The following NUP98 variants were observed in gnomAD, a reference collection of about 807,000 sequenced individuals.
The protein encoded by NUP98 is nucleoporin 98 and 96 precursor.
In NUP98, 26 loss-of-function variants were observed where a neutral mutation model predicts 191.9. The observed-to-expected ratio is 0.14, with a 90% CI of 0.10 to 0.19. NUP98 has a LOEUF of 0.19. NUP98 is among the 10% of genes least tolerant of loss of function. NUP98 has a pLI of 1.00. For missense variants in NUP98, 1,941 were observed against 2,178.8 expected, an observed-to-expected ratio of 0.89 and a Z score of 2.17; for synonymous variants, 808 against 778.4, an observed-to-expected ratio of 1.04 and a Z score of -0.63.
chr11:3,769,412 C>G (rs2081444727), intron 7 of NUP98, among the ~76,000 whole-genome samples: 1 of 151,588 alleles, frequency 6.6e-6, no homozygotes, highest in Non-Finnish European at 1.5e-5. Context: ...GGTGACAGAG[C>G]TAGACAGTGT....
chr11:3,686,520 ACTTTT>A (rs1432969786), intron 28 of NUP98, among the ~76,000 whole-genome samples: 1 of 152,058 alleles, frequency 6.6e-6, no homozygotes, highest in Admixed American at 6.6e-5. Context: ...TAATGTCATT[ACTTTT>A]TTCTTTTTTT....
At chr11:3,787,727 C>T (rs576575948) in intron 1 of NUP98, among the ~76,000 whole-genome samples, 2 of 152,254 alleles carry the variant, frequency 1.3e-5, no homozygotes, top group Non-Finnish European at 2.9e-5. Flanking sequence ...GGCACGGTGG[C>T]TCATGTCTGT....
chr11:3,700,358 A>C (rs1173795751), intron 24 of NUP98, among the ~76,000 whole-genome samples: 2 of 152,166 alleles, frequency 1.3e-5, no homozygotes, highest in Non-Finnish European at 2.9e-5. Flanking sequence ...AATTTTATAA[A>C]TCCAAGGATT....
At chr11:3,726,312 G>T (rs966519748) in intron 14 of NUP98, among the ~76,000 whole-genome samples, 3 of 151,794 alleles carry the variant, frequency 2.0e-5, no homozygotes, top group East Asian at 3.9e-4. Flanking sequence ...AAAGGAACAA[G>T]ATAATAATTA....
intron 26 of NUP98, 62 bp downstream of exon 26, chr11:3,695,387 T>A: frequency 7.1e-7 from 1 of 1,402,426 alleles, no homozygotes; most frequent in Non-Finnish European, 9.4e-7. Context: ...TGCCTCAACC[T>A]CAAACCAGCT....
At position 3,676,279 on chromosome 11, in the gene NUP98, G is replaced by C; in HGVS notation, c.5283C>G (p.Val1761=). 6.2e-7 allele frequency: 1 copy of C among 1,614,146 alleles called. No individual in the cohort carries two copies. The highest frequency in any genetic ancestry group is 1.1e-5 in the South Asian group (1 of 91,070). ...TGTGGGGAGCCAAGAGGCGCAAAGG[G>C]ACTCGCTGAGGGTCTGGTGTTGAGT... is the stretch of plus-strand genomic sequence containing the variant. The part of the protein sequence containing the change: ...TSDSTPDPQR[V]PLRLLAPHIG... The change falls in exon 33 of 33, where the codon GTC becomes GTG. Residue 1761 remains valine (V), a synonymous_variant. Coordinates refer to ENST00000324932, the MANE Select transcript of NUP98 (RefSeq NM_016320.5).
intron 4 of NUP98, among the ~76,000 whole-genome samples, chr11:3,776,519 T>G: frequency 6.6e-6 from 1 of 151,122 alleles, no homozygotes; most frequent in African/African-American, 2.4e-5. Flanking sequence ...AGTCTCGCTG[T>G]GTAGCCCAGG....
At chr11:3,735,161 G>A (rs777335736) in intron 13 of NUP98, 30 bp downstream of exon 13, 2 of 1,520,982 alleles carry the variant, frequency 1.3e-6, no homozygotes, top group South Asian at 1.3e-5. Context: ...TCTTTGATAT[G>A]ATATTTTACA....
In NUP98 at chr11:3,712,674, GCTC is replaced by G. The variant is rs773160800; in HGVS notation, c.2629_2631del (p.Glu877del). 1.2e-6 allele frequency: 2 copies of G among 1,613,318 alleles called. No homozygotes were observed. Among genetic ancestry groups the G allele is most frequent in the Non-Finnish European group, 1.7e-6 (2 of 1,179,922 alleles). ...TTCTTTGTACTAGTTTTAGACGGAT[GCTC>G]CTCCTCCTCTTCATCAGAATCCTGA... On this transcript the variant is annotated inframe_deletion, in exon 20 of 33. Transcript: ENST00000324932.
At chr11:3,720,457 C>T (rs1205485027) in intron 17 of NUP98, among the ~76,000 whole-genome samples, 1 of 151,912 alleles carries the variant, frequency 6.6e-6, no homozygotes, top group African/African-American at 2.4e-5. Context: ...AATGCTTGAC[C>T]CCAGGAGTTG....
intron 12 of NUP98, among the ~76,000 whole-genome samples, chr11:3,739,526 C>T (rs1322159182): frequency 1.3e-5 from 2 of 152,118 alleles, no homozygotes; most frequent in Non-Finnish European, 1.5e-5. Context: ...AGATTACAGG[C>T]GTGAGGCACC....
rs569580155 is a variant in NUP98, at chr11:3,797,505, C to T, written c.-134G>A. The T allele has an allele frequency of 6.6e-4, 295 of 445,120 alleles. No homozygotes were observed. Among genetic ancestry groups the T allele is most frequent in the Non-Finnish European group, 9.9e-4 (250 of 253,604 alleles). The allele number at this position is 445,120 out of a possible 1,614,324, so 27.6% of individuals were successfully genotyped here. ...AAACCGTCGCCGCCGCCGCTACCAC[C>T]CCTGCCACCGACCGCCGCTTCGGGC... On this transcript the variant is annotated 5_prime_UTR_variant, in exon 1 of 33. Coordinates refer to ENST00000324932, the MANE Select transcript of NUP98 (RefSeq NM_016320.5).
intron 14 of NUP98, among the ~76,000 whole-genome samples, chr11:3,727,337 G>C (rs1431731041): frequency 6.6e-6 from 1 of 152,198 alleles, no homozygotes; most frequent in East Asian, 1.9e-4. Flanking sequence ...AGGGTGGGGG[G>C]CAGTGTGTGG....
At chr11:3,759,363 G>A (rs541320368) in intron 10 of NUP98, among the ~76,000 whole-genome samples, 13 of 152,096 alleles carry the variant, frequency 8.5e-5, no homozygotes, top group African/African-American at 1.7e-4. Flanking sequence ...TTGGGAGGCC[G>A]AGGCAGGCAG....
chr11:3,749,477 T>C (rs921275849), intron 11 of NUP98, among the ~76,000 whole-genome samples: 1 of 151,920 alleles, frequency 6.6e-6, no homozygotes, highest in African/African-American at 2.4e-5. Context: ...AAAATACAGT[T>C]AGCCGGGTGC....
At chr11:3,795,825 G>C (rs2082514897) in intron 1 of NUP98, among the ~76,000 whole-genome samples, 1 of 152,202 alleles carries the variant, frequency 6.6e-6, no homozygotes, top group Non-Finnish European at 1.5e-5. Context: ...AACATACCCT[G>C]TTCACGCTTT....
chr11:3,721,672 C>G (rs2079405424), intron 16 of NUP98, among the ~76,000 whole-genome samples: 1 of 151,722 alleles, frequency 6.6e-6, no homozygotes, highest in South Asian at 2.1e-4. Flanking sequence ...GCACTCCAGC[C>G]TGGGCAACCA....
chr11:3,749,378 A>G (rs894381089), intron 11 of NUP98, among the ~76,000 whole-genome samples: 1 of 152,248 alleles, frequency 6.6e-6, no homozygotes, highest in African/African-American at 2.4e-5. Flanking sequence ...TAATCCCAGC[A>G]CTTTGGGAGG....
intron 14 of NUP98, among the ~76,000 whole-genome samples, chr11:3,729,677 T>A (rs1589824626): frequency 8.1e-6 from 1 of 124,054 alleles, no homozygotes; most frequent in Admixed American, 1.0e-4. Context: ...ATTGCACCAC[T>A]GCACTCCAGC....
Sources: allele counts gnomAD v4.1 joint callset (sites outside exome capture counted in the v4.1 genomes callset), GRCh38; gene constraint gnomAD v4.1.1; transcripts MANE v1.5; gene names NCBI Gene and HGNC (gene_info 2026-07-23, HGNC 2026-07-21).